UBR3: variants seen among roughly 807,000 people sequenced by gnomAD.
The protein encoded by UBR3 is ubiquitin protein ligase E3 component n-recognin 3.
A neutral mutation model predicts 243.2 loss-of-function variants in UBR3; 85 were observed. That is an observed-to-expected ratio of 0.35 (90% CI 0.29 to 0.42). The LOEUF (loss-of-function observed/expected upper bound fraction) is 0.42, where lower values mean the gene tolerates loss of function less well. Ranked by LOEUF, UBR3 falls within the 10% of genes least tolerant of loss-of-function variation. The probability of loss-of-function intolerance (pLI) is 1.00; values close to 1 mark genes in which losing one functional copy is unlikely to be tolerated. For synonymous variants in UBR3, 748 were observed against 799.8 expected, an observed-to-expected ratio of 0.94 and a Z score of 1.09; for missense variants, 1,686 against 2,300.8, an observed-to-expected ratio of 0.73 and a Z score of 5.47.
chr2:169,981,202 A>C (rs1316575892), intron 24 of UBR3, among the ~76,000 whole-genome samples: 1 of 152,154 alleles, frequency 6.6e-6, no homozygotes, highest in African/African-American at 2.4e-5. Flanking sequence ...AGGAGGTGGA[A>C]TATAACTCCC....
chr2:169,864,906 CAAA>C (rs11336906), intron 1 of UBR3, among the ~76,000 whole-genome samples: 1 of 64,836 alleles, frequency 1.5e-5, no homozygotes, highest in African/African-American at 6.2e-5. Flanking sequence ...GACTCCGTCT[CAAA>C]AAAAAAAAAA....
chr2:169,838,312 A>G (rs1320773140), intron 1 of UBR3, among the ~76,000 whole-genome samples: 1 of 151,832 alleles, frequency 6.6e-6, no homozygotes, highest in Non-Finnish European at 1.5e-5. Context: ...TGCTGCTGTT[A>G]CATCAGACGG....
intron 5 of UBR3, among the ~76,000 whole-genome samples, chr2:169,887,922 A>G (rs2084169043): frequency 6.7e-6 from 1 of 148,540 alleles, no homozygotes; most frequent in African/African-American, 2.5e-5. Flanking sequence ...GATCACAGGC[A>G]TGTGCCACCA....
At chr2:169,967,697 A>C (rs1407149263) in intron 24 of UBR3, among the ~76,000 whole-genome samples, 1 of 152,106 alleles carries the variant, frequency 6.6e-6, no homozygotes, top group African/African-American at 2.4e-5. Flanking sequence ...ACATTGCAGG[A>C]TTTGGTTGAC....
intron 26 of UBR3, among the ~76,000 whole-genome samples, chr2:169,998,445 A>C (rs1436419898): frequency 6.6e-6 from 1 of 152,170 alleles, no homozygotes; most frequent in East Asian, 1.9e-4. Flanking sequence ...TTACTTTTGT[A>C]TGCTTTTATA....
At chr2:170,049,219 G>A (rs762631720) in intron 32 of UBR3, among the ~76,000 whole-genome samples, 21 of 152,098 alleles carry the variant, frequency 1.4e-4, no homozygotes, top group African/African-American at 2.2e-4. Context: ...TATGTATTAC[G>A]TACTTTATTC....
intron 1 of UBR3, among the ~76,000 whole-genome samples, chr2:169,867,586 T>C (rs546559839): frequency 6.6e-6 from 1 of 152,320 alleles, no homozygotes; most frequent in African/African-American, 2.4e-5. Context: ...TTAATAGATA[T>C]GGTCAAGTGC....
At chr2:169,836,249 A>G (rs1252747404) in intron 1 of UBR3, among the ~76,000 whole-genome samples, 1 of 149,998 alleles carries the variant, frequency 6.7e-6, no homozygotes, top group Non-Finnish European at 1.5e-5. Context: ...ATGCCTAGCT[A>G]ATTTTCATAT....
intron 27 of UBR3, among the ~76,000 whole-genome samples, chr2:170,005,066 A>G (rs2089863040): frequency 6.6e-6 from 1 of 152,056 alleles, no homozygotes; most frequent in Admixed American, 6.6e-5. Context: ...TACCAAAAAT[A>G]CACAAAAATT....
At chr2:170,031,100 T>G (rs981952612) in intron 31 of UBR3, among the ~76,000 whole-genome samples, 1 of 151,980 alleles carries the variant, frequency 6.6e-6, no homozygotes, top group Non-Finnish European at 1.5e-5. Context: ...CTAGCCTTCC[T>G]CTTTATTTTT....
At chr2:169,834,782 A>G (rs1487313646) in intron 1 of UBR3, among the ~76,000 whole-genome samples, 2 of 152,256 alleles carry the variant, frequency 1.3e-5, no homozygotes, top group Non-Finnish European at 2.9e-5. Flanking sequence ...CAGCAGATGA[A>G]TGGGTAAGCA....
chr2:169,990,743 A>ACACACACACACG (rs1283427385), intron 25 of UBR3, among the ~76,000 whole-genome samples: 2,787 of 148,546 alleles, frequency 0.019, 229 homozygotes, highest in Middle Eastern at 0.056. Flanking sequence ...ACACACACAC[A>ACACACACACACG]CACACATAAA....
chr2:170,078,872 C>T (rs2091859871), intron 36 of UBR3, among the ~76,000 whole-genome samples: 1 of 152,138 alleles, frequency 6.6e-6, no homozygotes, highest in South Asian at 2.1e-4. Flanking sequence ...AGAATGCCAT[C>T]CTTGGAGTCC....
intron 38 of UBR3, among the ~76,000 whole-genome samples, chr2:170,081,431 C>T (rs762073787): frequency 2.1e-4 from 32 of 151,168 alleles, no homozygotes; most frequent in African/African-American, 4.4e-4. Flanking sequence ...ACTCGGGAGG[C>T]GGAGCTTGCA....
At chr2:169,909,359 C>T (rs1017024903) in intron 10 of UBR3, among the ~76,000 whole-genome samples, 16 of 152,036 alleles carry the variant, frequency 1.1e-4, no homozygotes, top group African/African-American at 3.1e-4. Flanking sequence ...GCAGGAGTAG[C>T]GTGGGTGGGA....
chr2:170,044,057 A>G (rs1276750395), intron 32 of UBR3, among the ~76,000 whole-genome samples: 2 of 152,198 alleles, frequency 1.3e-5, no homozygotes, highest in East Asian at 3.9e-4. Context: ...TTAATTTTCC[A>G]CAGAGGTTTT....
intron 1 of UBR3, among the ~76,000 whole-genome samples, chr2:169,835,993 G>GTCTC (rs577838877): frequency 1.5e-3 from 45 of 30,694 alleles, no homozygotes; most frequent in African/African-American, 4.6e-3. Context: ...TGTGTGCACT[G>GTCTC]TCTCTCTCTC....
chr2:170,061,451 AT>A lies in UBR3; in HGVS notation c.5019+11del. The stretch of plus-strand genomic sequence containing the variant: ...GATTTACCTAGCTGCCAGGTAGATA[AT>A]TTGGGATATGTAAGAGGGAGCTTTT... On this transcript the variant is annotated intron_variant, in intron 35 of 38. Coordinates refer to ENST00000272793, the MANE Select transcript of UBR3 (RefSeq NM_172070.4). 6.2e-7 allele frequency: 1 copy of A among 1,600,086 alleles called. No homozygotes were observed. Among genetic ancestry groups the A allele is most frequent in the South Asian group, 1.1e-5 (1 of 89,236 alleles).
intron 20 of UBR3, among the ~76,000 whole-genome samples, chr2:169,943,931 C>T (rs1461961): frequency 0.21 from 31,569 of 151,866 alleles, 3,681 homozygotes; most frequent in East Asian, 0.37. Flanking sequence ...CAACCCTACC[C>T]GTGACCAATT....
Sources: gnomAD v4.1 joint callset for allele counts (sites outside exome capture counted in the v4.1 genomes callset) on GRCh38, gnomAD v4.1.1 for gene constraint, MANE v1.5 for transcripts, NCBI Gene and HGNC (gene_info 2026-07-23, HGNC 2026-07-21) for gene names.